The following ZCCHC7 variants were observed in gnomAD, a reference collection of about 807,000 sequenced individuals.
The protein encoded by ZCCHC7 is zinc finger CCHC-type containing 7, also known as zinc finger CCHC domain-containing protein 7.
A neutral mutation model predicts 52.0 loss-of-function variants in ZCCHC7; 35 were observed. That is an observed-to-expected ratio of 0.67 (90% CI 0.51 to 0.89). The LOEUF (loss-of-function observed/expected upper bound fraction) is 0.89, where lower values mean the gene tolerates loss of function less well. Among genes scored for constraint, ZCCHC7 ranks in the 40% least tolerant of loss-of-function variants. ZCCHC7 has a pLI of 0.00. For synonymous variants in ZCCHC7, 217 were observed against 221.5 expected (o/e 0.98, Z 0.18); for missense variants, 574 against 649.1 (o/e 0.88, Z 1.26).
chr9:37,176,921 A>G (rs1483793586), intron 2 of ZCCHC7, among the ~76,000 whole-genome samples: 1 of 152,176 alleles, frequency 6.6e-6, no homozygotes. Flanking sequence ...AAGGTCTTAC[A>G]CTGGTGTTTT....
intron 6 of ZCCHC7, among the ~76,000 whole-genome samples, chr9:37,347,316 G>A (rs141295383): frequency 1.8e-4 from 28 of 152,034 alleles, no homozygotes; most frequent in Admixed American, 7.9e-4. Flanking sequence ...TTATTCTGCC[G>A]CTTCATGCTT....
chr9:37,248,494 C>A (rs528959909), intron 2 of ZCCHC7, among the ~76,000 whole-genome samples: 2 of 152,310 alleles, frequency 1.3e-5, no homozygotes, highest in African/African-American at 4.8e-5. Flanking sequence ...TCTACAACTT[C>A]AGTTAATCCA....
At position 37,140,190 on chromosome 9, in the gene ZCCHC7, A is replaced by G. The variant is rs560117831; in HGVS notation, c.610+13248A>G. On this transcript the variant is annotated intron_variant, in intron 2 of 8. Coordinates refer to ENST00000336755, the MANE Select transcript of ZCCHC7 (RefSeq NM_032226.3). The stretch of plus-strand genomic sequence containing the variant: ...TATTAAATGGTCTGATTTAACACAA[A>G]TGAACTTTTGTCAATGGTTTTATTT... Among the ~76,000 whole-genome samples, 95 of 152,104 alleles carry G rather than the reference A, an allele frequency of 6.2e-4. 9 individuals are homozygous for G. Among genetic ancestry groups the G allele is most frequent in the Non-Finnish European group, 1.0e-4 (7 of 67,850 alleles).
At chr9:37,155,257 A>G (rs1820756539) in intron 2 of ZCCHC7, among the ~76,000 whole-genome samples, 1 of 151,854 alleles carries the variant, frequency 6.6e-6, no homozygotes, top group African/African-American at 2.4e-5. Context: ...GCTACTCGGG[A>G]GGCTGAGGCG....
chr9:37,176,430 T>C (rs899699985), intron 2 of ZCCHC7, among the ~76,000 whole-genome samples: 3 of 152,188 alleles, frequency 2.0e-5, no homozygotes, highest in South Asian at 2.1e-4. Context: ...AGCCACCCTA[T>C]AGATTGTTGC....
chr9:37,127,024 G>A (rs1321728011), intron 2 of ZCCHC7, 82 bp downstream of exon 2: 2 of 1,496,342 alleles, frequency 1.3e-6, no homozygotes, highest in African/African-American at 2.8e-5. Flanking sequence ...GACCAATAGG[G>A]TCTACTCCGT....
At chr9:37,150,662 G>T (rs1033612357) in intron 2 of ZCCHC7, among the ~76,000 whole-genome samples, 1 of 152,174 alleles carries the variant, frequency 6.6e-6, no homozygotes, top group Non-Finnish European at 1.5e-5. Flanking sequence ...ATCTTTTCTA[G>T]AGGGGTGTAG....
chr9:37,139,616 G>C (rs971146500), intron 2 of ZCCHC7, among the ~76,000 whole-genome samples: 4 of 151,942 alleles, frequency 2.6e-5, no homozygotes, highest in African/African-American at 9.7e-5. Flanking sequence ...TTGTGGACTT[G>C]AGAGCATCTG....
chr9:37,188,301 T>A (rs1411686476), intron 2 of ZCCHC7, among the ~76,000 whole-genome samples: 1 of 152,158 alleles, frequency 6.6e-6, no homozygotes, highest in South Asian at 2.1e-4. Flanking sequence ...ATGTGTGCCA[T>A]CATGCCTGAC....
chr9:37,275,188 G>A (rs1827622526), intron 2 of ZCCHC7, among the ~76,000 whole-genome samples: 1 of 152,094 alleles, frequency 6.6e-6, no homozygotes, highest in Non-Finnish European at 1.5e-5. Context: ...TCAGGATGTT[G>A]CACCCTTGCA....
rs756576115 is a variant in ZCCHC7, at chr9:37,305,765, A to G, written c.951+51A>G. ...TGTCAGGCTTTGGAGGGAGTGTGCA[A>G]GTTTGTAATTAATGTGCAAGTTTAT... On this transcript the variant is annotated intron_variant, in intron 5 of 8. Coordinates refer to ENST00000336755, the MANE Select transcript of ZCCHC7 (RefSeq NM_032226.3). The G allele has an allele frequency of 1.0e-5, 16 of 1,595,296 alleles. No individual in the cohort carries two copies. The South Asian group carries it at 1.8e-4, about 18-fold the overall frequency.
At chr9:37,191,137 C>T (rs999076588) in intron 2 of ZCCHC7, among the ~76,000 whole-genome samples, 1 of 152,078 alleles carries the variant, frequency 6.6e-6, no homozygotes, top group African/African-American at 2.4e-5. Context: ...ACATTTTGGG[C>T]ACTTGAAGCT....
chr9:37,211,661 A>G (rs1824221909), intron 2 of ZCCHC7, among the ~76,000 whole-genome samples: 1 of 152,168 alleles, frequency 6.6e-6, no homozygotes, highest in Non-Finnish European at 1.5e-5. Flanking sequence ...GTAGAATATT[A>G]ATATGGAAAT....
At chr9:37,348,320 T>C (rs918710383) in intron 6 of ZCCHC7, among the ~76,000 whole-genome samples, 4 of 149,812 alleles carry the variant, frequency 2.7e-5, no homozygotes, top group Non-Finnish European at 5.9e-5. Flanking sequence ...TCCCCACGTC[T>C]TTTCAATGAC....
At chr9:37,287,665 A>G (rs913618166) in intron 2 of ZCCHC7, among the ~76,000 whole-genome samples, 3 of 152,140 alleles carry the variant, frequency 2.0e-5, no homozygotes, top group East Asian at 1.9e-4. Flanking sequence ...GTGTGTATAC[A>G]TATTTATGTG....
At chr9:37,228,092 C>T (rs1205424667) in intron 2 of ZCCHC7, among the ~76,000 whole-genome samples, 1 of 152,030 alleles carries the variant, frequency 6.6e-6, no homozygotes, top group African/African-American at 2.4e-5. Context: ...CCACAGTGCC[C>T]GGCCTCTAAT....
At chr9:37,150,685 G>A (rs1440465448) in intron 2 of ZCCHC7, among the ~76,000 whole-genome samples, 2 of 152,058 alleles carry the variant, frequency 1.3e-5, no homozygotes, top group Admixed American at 1.3e-4. Flanking sequence ...TGGAAAGAAG[G>A]GTTCAGCCAA....
chr9:37,190,474 ATC>A (rs1822962924), intron 2 of ZCCHC7, among the ~76,000 whole-genome samples: 2 of 152,134 alleles, frequency 1.3e-5, no homozygotes, highest in Admixed American at 6.5e-5. Flanking sequence ...ATACTAAATC[ATC>A]TGTTTGATAT....
intron 2 of ZCCHC7, among the ~76,000 whole-genome samples, chr9:37,247,883 A>G (rs1826146758): frequency 6.6e-6 from 1 of 152,300 alleles, no homozygotes; most frequent in Admixed American, 6.5e-5. Context: ...CCTGGAAGAC[A>G]AAGTGAGACC....
Sources: gnomAD v4.1 joint callset for allele counts (sites outside exome capture counted in the v4.1 genomes callset) on GRCh38, gnomAD v4.1.1 for gene constraint, MANE v1.5 for transcripts, NCBI Gene and HGNC (gene_info 2026-07-23, HGNC 2026-07-21) for gene names.